Variants in RUNX3 observed in about 807,000 individuals in gnomAD.
The protein encoded by RUNX3 is RUNX family transcription factor 3, also known as runt-related transcription factor 3.
A neutral mutation model predicts 27.7 loss-of-function variants in RUNX3; 10 were observed. That is an observed-to-expected ratio of 0.36 (90% confidence interval 0.22 to 0.61). The LOEUF is 0.61. Ranked by LOEUF, RUNX3 falls within the 20% of genes least tolerant of loss-of-function variation. The probability of loss-of-function intolerance (pLI) is 0.72; values close to 1 mark genes in which losing one functional copy is unlikely to be tolerated. For synonymous variants in RUNX3, 270 were observed against 269.2 expected, an observed-to-expected ratio of 1.00 and a Z score of -0.03; for missense variants, 469 against 629.5, an observed-to-expected ratio of 0.75 and a Z score of 2.73.
At position 24,902,609 on chromosome 1, in the gene RUNX3, G is replaced by C. The variant is rs753845732; in HGVS notation, c.761C>G (p.Thr254Arg). 1 of 1,540,994 alleles carries C rather than the reference G, an allele frequency of 6.5e-7. No individual in the cohort carries two copies. The highest frequency in any genetic ancestry group is 1.9e-5 in the Admixed American group (1 of 51,472). ...DPRQFDRSFP[T>R]LPTLTESRFP... ...GCGGCTCTCCGTGAGGGTTGGCAGCGTGGGGAAGGAGCGGTCAAACTGGCG... is the reference window on the plus strand; with the variant it reads ...GCGGCTCTCCGTGAGGGTTGGCAGCCTGGGGAAGGAGCGGTCAAACTGGCG... The change falls in exon 5 of 5, where the codon ACG becomes AGG. Residue 254 changes from threonine (T) to arginine (R), a missense_variant. By Grantham distance (71) the Thr-to-Arg change is moderately conservative (BLOSUM62 -1). Around this residue, in one of 3 missense-constraint regions of RUNX3, gnomAD observed 279 missense variants for 343.0 expected, o/e 0.81. Coordinates refer to ENST00000308873, the MANE Select transcript of RUNX3 (RefSeq NM_004350.3). This position sits in a 1 kb window ranked among gnomAD's most constrained non-coding sequence, Gnocchi z 9.2.
Position 24,916,808 on chromosome 1 carries a change from G to C in RUNX3, c.544+2432C>G, listed in dbSNP as rs1233160149. Among the ~76,000 whole-genome samples, 1 of 152,196 alleles carries C rather than the reference G, an allele frequency of 6.6e-6. No individual in the cohort carries two copies. Among genetic ancestry groups the C allele is most frequent in the Non-Finnish European group, 1.5e-5 (1 of 68,030 alleles). ...GATCCAGCCGCTGCCGGGGCCCAGA[G>C]AGGGAGGTCACCTGTCTCAGGTGGT... On this transcript the variant is annotated intron_variant, in intron 3 of 4. Coordinates refer to ENST00000308873, the MANE Select transcript of RUNX3 (RefSeq NM_004350.3). This position sits in a 1 kb window ranked among gnomAD's most constrained non-coding sequence, Gnocchi z 4.8.
intron 2 of RUNX3, among the ~76,000 whole-genome samples, chr1:24,920,173 A>G (rs1640970692): frequency 6.6e-6 from 1 of 152,012 alleles, no homozygotes; most frequent in African/African-American, 2.4e-5. Flanking sequence ...CAAAGTCTCC[A>G]TTCAAAATTC....
At chr1:24,961,664 G>T (rs1642116065) in intron 2 of RUNX3, 1 of 152,206 alleles carries the variant, frequency 6.6e-6, no homozygotes, top group African/African-American at 2.4e-5. Context: ...CACCTGCCCA[G>T]GCCCAAACCC....
rs188852220 is a variant in RUNX3, at chr1:24,910,355, G to A, written c.545-2938C>T. On this transcript the variant is annotated intron_variant, in intron 3 of 4. Transcript: ENST00000308873. ...AGGAGAAGGTTTGCCTAAGGCCTTG[G>A]GTCTAGAATGACATGTGCGTTTTCT... Among the ~76,000 whole-genome samples the A allele has an allele frequency of 3.6e-3, 553 of 151,986 alleles. 1 individual carries two copies. The highest frequency in any genetic ancestry group is 6.5e-3 in the Non-Finnish European group (441 of 67,970).
chr1:24,932,257 C>T (rs1474292621), upstream of RUNX3, among the ~76,000 whole-genome samples: 1 of 147,470 alleles, frequency 6.8e-6, no homozygotes, highest in Non-Finnish European at 1.5e-5. Flanking sequence ...GCGCAGGGCC[C>T]GGCACGGCTC....
At chr1:24,953,402 GAAAAA>G (rs553316885) in intron 2 of RUNX3, among the ~76,000 whole-genome samples, 3 of 70,482 alleles carry the variant, frequency 4.3e-5, no homozygotes, top group Admixed American at 1.5e-4. Flanking sequence ...AAAGAAAAAT[GAAAAA>G]AAAAAAAAAA....
intron 3 of RUNX3, among the ~76,000 whole-genome samples, chr1:24,908,161 C>T (rs1445664099): frequency 3.7e-5 from 5 of 133,894 alleles, no homozygotes; most frequent in African/African-American, 1.6e-4. Context: ...ACCTCTACGA[C>T]ACGCGGTGAT....
intron 2 of RUNX3, among the ~76,000 whole-genome samples, chr1:24,961,010 G>A (rs955660269): frequency 6.6e-6 from 1 of 152,126 alleles, no homozygotes. Context: ...CAGCCCTGAG[G>A]GTAGGCGTTG....
chr1:24,921,582 C>T (rs1480146956), intron 2 of RUNX3, among the ~76,000 whole-genome samples: 1 of 152,246 alleles, frequency 6.6e-6, no homozygotes, highest in East Asian at 1.9e-4. Flanking sequence ...TGCAGATGGT[C>T]TAGGGAAGTG....
chr1:24,940,611 T>C (rs1008740631), intron 2 of RUNX3, among the ~76,000 whole-genome samples: 5 of 151,984 alleles, frequency 3.3e-5, no homozygotes, highest in Non-Finnish European at 5.9e-5. Flanking sequence ...ACAAAAATCA[T>C]AGCTAGGCGT....
In RUNX3 at chr1:24,902,505, T is replaced by C. The variant is rs1282139095; in HGVS notation, c.865A>G (p.Ile289Val). The change falls in exon 5 of 5, where the codon ATC becomes GTC. Residue 289 changes from isoleucine to valine, a missense_variant. Coordinates refer to ENST00000308873, the MANE Select transcript of RUNX3 (RefSeq NM_004350.3). This position sits in a 1 kb window ranked among gnomAD's most constrained non-coding sequence, Gnocchi z 9.2. ...PYSATPSGTS[I>V]SSLSVAGMPA... is the part of the protein sequence containing the mutation. Reference sequence around the variant, plus strand: ...ATGCCCGCCACGCTGAGGCTGCTGATGCTCGTGCCCGAGGGCGTGGCGCTG... The same window carrying C: ...ATGCCCGCCACGCTGAGGCTGCTGACGCTCGTGCCCGAGGGCGTGGCGCTG... 3 of 1,598,822 alleles carry C rather than the reference T, an allele frequency of 1.9e-6. No homozygotes were observed. In the South Asian group the frequency reaches 3.3e-5, roughly 18 times the overall value.
chr1:24,930,826 C>T (rs745322784), upstream of RUNX3, among the ~76,000 whole-genome samples: 81 of 152,188 alleles, frequency 5.3e-4, 1 homozygote, highest in Non-Finnish European at 7.2e-4. The surrounding 1 kb of genome is among the most constrained non-coding windows in gnomAD (Gnocchi z 4.1). Context: ...GCGTCGTCCA[C>T]GCCCGGCCGG....
chr1:24,917,277 T>C (rs144969906), intron 3 of RUNX3, among the ~76,000 whole-genome samples: 40 of 152,204 alleles, frequency 2.6e-4, no homozygotes, highest in African/African-American at 9.4e-4. Context: ...CCTGGAGACA[T>C]AGGGCAGGGC....
At chr1:24,905,795 A>G (rs1025409075) in intron 4 of RUNX3, among the ~76,000 whole-genome samples, 1 of 152,234 alleles carries the variant, frequency 6.6e-6, no homozygotes, top group African/African-American at 2.4e-5. Flanking sequence ...CTCTCAGGCT[A>G]CTGCACCTCG....
chr1:24,918,932 C>G (rs1220142932), intron 3 of RUNX3, among the ~76,000 whole-genome samples: 1 of 152,222 alleles, frequency 6.6e-6, no homozygotes, highest in African/African-American at 2.4e-5. Context: ...AACCTCCACC[C>G]AGAAACACAC....
intron 2 of RUNX3, 51 bp from the exon 3 acceptor site, chr1:24,919,395 A>G (rs1306953565): frequency 2.5e-6 from 3 of 1,223,214 alleles, no homozygotes; most frequent in Non-Finnish European, 3.6e-6. Flanking sequence ...GAGCTTCCAC[A>G]ATACCCTGCT....
At chr1:24,911,436 T>C (rs1039664026) in intron 3 of RUNX3, among the ~76,000 whole-genome samples, 3 of 152,210 alleles carry the variant, frequency 2.0e-5, no homozygotes, top group African/African-American at 7.2e-5. Context: ...ACTTGCAGTC[T>C]GGTGGCCTCA....
At chr1:24,948,397 G>A (rs555430358) in intron 2 of RUNX3, among the ~76,000 whole-genome samples, 47 of 152,310 alleles carry the variant, frequency 3.1e-4, no homozygotes, top group Admixed American at 1.8e-3. Flanking sequence ...CACACAAGGC[G>A]GGAGGCCTAA....
chr1:24,900,871 G>A lies in RUNX3; in HGVS notation c.*1251C>T, dbSNP rs1250683047. 6.6e-6 allele frequency: 1 copy of A among 152,188 alleles called. No individual in the cohort carries two copies. Among genetic ancestry groups the A allele is most frequent in the Non-Finnish European group, 1.5e-5 (1 of 68,044 alleles). 9.4% of individuals were successfully genotyped at this position (152,188 alleles called of 1,614,324 possible). A position where few individuals can be genotyped will look rare whatever the true frequency, so the allele number is the denominator to read the frequency against. On this transcript the variant is annotated 3_prime_UTR_variant, in exon 5 of 5. Transcript: ENST00000308873. ...AACCCCACACCCTCAGGAGGCAGCT[G>A]GGGGTCCGCGGGGGGGAGAGGGGGC... is the stretch of plus-strand genomic sequence containing the variant.
Sources: allele counts gnomAD v4.1 joint callset (sites outside exome capture counted in the v4.1 genomes callset), GRCh38; gene constraint gnomAD v4.1.1; regional missense constraint gnomAD v4.1.1; non-coding constraint Gnocchi (gnomAD v3.1); transcripts MANE v1.5; gene names NCBI Gene and HGNC (gene_info 2026-07-23, HGNC 2026-07-21).